Variants in KCNJ16 observed in about 807,000 individuals in gnomAD.
The protein encoded by KCNJ16 is inward rectifier potassium channel 16.
A neutral mutation model predicts 18.5 loss-of-function variants in KCNJ16; 15 were observed. The ratio of observed to expected loss-of-function variants is 0.81; its 90% CI spans 0.54 to 1.25. The LOEUF (loss-of-function observed/expected upper bound fraction) is 1.25. Ranked by LOEUF, KCNJ16 falls within the 50% of genes most tolerant of loss-of-function variation. The pLI, the probability that KCNJ16 is intolerant of heterozygous loss-of-function variation, is 0.00. For missense variants in KCNJ16, 523 were observed against 525.7 expected, an observed-to-expected ratio of 0.99 and a Z score of 0.05; for synonymous variants, 174 against 186.5, an observed-to-expected ratio of 0.93 and a Z score of 0.55.
At chr17:70,103,013 T>C (rs890525203) in intron 2 of KCNJ16, among the ~76,000 whole-genome samples, 3 of 150,912 alleles carry the variant, frequency 2.0e-5, no homozygotes, top group Admixed American at 1.3e-4. Context: ...GGGCTCACTG[T>C]AGCCTTGACC....
chr17:70,128,620 TTA>T (rs1307424433), intron 2 of KCNJ16: 1 of 152,242 alleles, frequency 6.6e-6, no homozygotes, highest in African/African-American at 2.4e-5. Context: ...TTTGTCATTA[TTA>T]TATGTCAGAA....
intron 2 of KCNJ16, among the ~76,000 whole-genome samples, chr17:70,111,511 G>A (rs1178580556): frequency 3.3e-5 from 5 of 152,044 alleles, no homozygotes; most frequent in Admixed American, 3.3e-4. Flanking sequence ...ATTACTGCTT[G>A]GATAGCTGAG....
At chr17:70,091,580 C>A (rs935039225) in intron 1 of KCNJ16, among the ~76,000 whole-genome samples, 3 of 131,924 alleles carry the variant, frequency 2.3e-5, no homozygotes, top group African/African-American at 8.9e-5. Flanking sequence ...CCACTCAGCA[C>A]CCCACCTTAT....
chr17:70,102,376 C>T lies in KCNJ16; in HGVS notation c.-191+1610C>T, dbSNP rs966872026. On this transcript the variant is annotated intron_variant, in intron 2 of 3. Coordinates refer to ENST00000392671, the MANE Select transcript of KCNJ16 (RefSeq NM_170741.4). Reference sequence around the variant, plus strand: ...CCGAGTAGCTGGGACTACAGGCATGCGCCACCACGCCTGGCTAATTTTTGT... The same window carrying T: ...CCGAGTAGCTGGGACTACAGGCATGTGCCACCACGCCTGGCTAATTTTTGT... 1.1e-4 allele frequency among the ~76,000 whole-genome samples: 16 copies of T among 151,546 alleles called. 1 individual carries two copies. Among genetic ancestry groups the T allele is most frequent in the African/African-American group, 1.7e-4 (7 of 41,250 alleles).
At chr17:70,103,387 G>A (rs541259536) in intron 2 of KCNJ16, among the ~76,000 whole-genome samples, 36 of 147,662 alleles carry the variant, frequency 2.4e-4, no homozygotes, top group Non-Finnish European at 4.3e-4. Context: ...GGCTGGTCAC[G>A]AACTCCTGGG....
At chr17:70,093,208 G>A (rs1268589890) in intron 1 of KCNJ16, among the ~76,000 whole-genome samples, 5 of 152,202 alleles carry the variant, frequency 3.3e-5, no homozygotes, top group Admixed American at 3.3e-4. Context: ...CTTTGACAAA[G>A]CATTGCAAAC....
At chr17:70,083,609 T>A (rs1258270889) in intron 1 of KCNJ16, among the ~76,000 whole-genome samples, 2 of 152,152 alleles carry the variant, frequency 1.3e-5, no homozygotes, top group African/African-American at 4.8e-5. Context: ...CCATACAGCC[T>A]AGGTGTGTAG....
At position 70,107,493 on chromosome 17, in the gene KCNJ16, T is replaced by C. The variant is rs539588927; in HGVS notation, c.-191+6727T>C. Among the ~76,000 whole-genome samples, 3 of 152,238 alleles carry C rather than the reference T, an allele frequency of 2.0e-5. No individual in the cohort carries two copies. In the South Asian group the frequency reaches 6.2e-4, roughly 32 times the overall value. ...CTGCTGAGTTGTATTTTTTTTTCATTGTTGCTTAGAAGATCCTTGATCCAG... is the reference window on the plus strand; with the variant it reads ...CTGCTGAGTTGTATTTTTTTTTCATCGTTGCTTAGAAGATCCTTGATCCAG... On this transcript the variant is annotated intron_variant, in intron 2 of 3. Coordinates refer to ENST00000392671, the MANE Select transcript of KCNJ16 (RefSeq NM_170741.4).
chr17:70,094,341 A>C (rs750861965), intron 1 of KCNJ16, among the ~76,000 whole-genome samples: 1 of 152,194 alleles, frequency 6.6e-6, no homozygotes, highest in African/African-American at 2.4e-5. Context: ...CAGGAATAGC[A>C]ATAGTTTCAA....
chr17:70,100,085 GAAT>G (rs2072556950), intron 1 of KCNJ16, among the ~76,000 whole-genome samples: 1 of 152,156 alleles, frequency 6.6e-6, no homozygotes, highest in Admixed American at 6.6e-5. Flanking sequence ...CAGGCAGTTA[GAAT>G]AACAGGAAGC....
chr17:70,096,607 T>A, intron 1 of KCNJ16: 1 of 228,212 alleles, frequency 4.4e-6, no homozygotes, highest in East Asian at 8.8e-5. Flanking sequence ...TCATTATTAT[T>A]ACATCATAAT....
At chr17:70,123,254 TTTGAAAAGATA>T (rs58382358) in intron 2 of KCNJ16, among the ~76,000 whole-genome samples, 22,007 of 152,012 alleles carry the variant, frequency 0.14, 1,668 homozygotes, top group East Asian at 0.27. Flanking sequence ...CCTATGCACC[TTTGAAAAGATA>T]TTGAAAAGAT....
chr17:70,104,974 A>C (rs867168092), intron 2 of KCNJ16: 12 of 152,692 alleles, frequency 7.9e-5, no homozygotes, highest in Middle Eastern at 3.4e-3. Context: ...AAGGGTACTA[A>C]CAGGGCCAAG....
intron 1 of KCNJ16, 31 bp from the exon 2 acceptor site, chr17:70,100,627 C>G (rs1436994215): frequency 6.6e-6 from 1 of 152,160 alleles, no homozygotes; most frequent in Admixed American, 6.6e-5. Flanking sequence ...CTGCTAAGAG[C>G]TAATATATTT....
At position 70,135,385 on chromosome 17, in the gene KCNJ16, C is replaced by T. The variant is rs6788; in HGVS notation, c.*2041C>T. On this transcript the variant is annotated 3_prime_UTR_variant, in exon 4 of 4. Coordinates refer to ENST00000392671, the MANE Select transcript of KCNJ16 (RefSeq NM_170741.4). ...TGCTTTGCTTTGTTGACTCTGCTAC[C>T]GCTGATGTTTGCCTTGTCAATATCA... is the stretch of plus-strand genomic sequence containing the variant. The T allele has an allele frequency of 0.1, 16,998 of 167,058 alleles. 887 individuals are homozygous for T. Among genetic ancestry groups the T allele is most frequent in the Admixed American group, 0.17 (2,601 of 15,274 alleles). 10.3% of individuals were successfully genotyped at this position (167,058 alleles called of 1,614,324 possible). A position where few individuals can be genotyped will look rare whatever the true frequency, so the allele number is the denominator to read the frequency against.
rs1365481450 is a variant in KCNJ16, at chr17:70,133,243, C to T, written c.1156C>T (p.Pro386Ser). Residue 386 changes from proline to serine, a missense_variant, in exon 4 of 4, where the codon CCT (proline) becomes TCT (serine). Pro to Ser is a moderately conservative substitution (Grantham distance 74). Coordinates refer to ENST00000392671, the MANE Select transcript of KCNJ16 (RefSeq NM_170741.4). ...AVAIVSSCEN[P>S]EETTTSATHE... is the part of the protein sequence containing the mutation. ...TGCCATTGTCAGCAGCTGTGAAAAC[C>T]CTGAGGAGACCACCACTTCCGCCAC... is the stretch of plus-strand genomic sequence containing the variant. 6.2e-6 allele frequency: 10 copies of T among 1,613,990 alleles called. No individual in the cohort carries two copies. Among genetic ancestry groups the T allele is most frequent in the Admixed American group, 1.7e-5 (1 of 60,000 alleles).
intron 2 of KCNJ16, chr17:70,101,693 C>A (rs1567788145): frequency 6.6e-6 from 1 of 152,090 alleles, no homozygotes; most frequent in Non-Finnish European, 1.5e-5. Flanking sequence ...AATTCTCCTG[C>A]CTCAGCTTCC....
At chr17:70,114,345 G>A (rs2073314616) in intron 2 of KCNJ16, among the ~76,000 whole-genome samples, 1 of 152,112 alleles carries the variant, frequency 6.6e-6, no homozygotes, top group Admixed American at 6.6e-5. Flanking sequence ...ACAGTTTGCA[G>A]GCAGTACTCA....
Position 70,132,567 on chromosome 17 carries a change from A to G in KCNJ16, c.480A>G (p.Ile160Met). 1 of 1,614,228 alleles carries G rather than the reference A, an allele frequency of 6.2e-7. No homozygotes were observed. Among genetic ancestry groups the G allele is most frequent in the Non-Finnish European group, 8.5e-7 (1 of 1,180,042 alleles). Residue 160 changes from isoleucine to methionine, a missense_variant, in exon 4 of 4, where the codon ATA becomes ATG. By Grantham distance (10) the Ile-to-Met change is conservative (BLOSUM62 1). Coordinates refer to ENST00000392671, the MANE Select transcript of KCNJ16 (RefSeq NM_170741.4). Reference sequence around the variant, plus strand: ...TCCAGTCCATCTTAAGTTGCATCATAAATACCTTTATCATTGGAGCTGCCT... The same window carrying G: ...TCCAGTCCATCTTAAGTTGCATCATGAATACCTTTATCATTGGAGCTGCCT... ...VILQSILSCI[I>M]NTFIIGAALA...
Sources: allele counts gnomAD v4.1 joint callset (sites outside exome capture counted in the v4.1 genomes callset), GRCh38; gene constraint gnomAD v4.1.1; transcripts MANE v1.5; gene names NCBI Gene and HGNC (gene_info 2026-07-23, HGNC 2026-07-21).